The following AFAP1 variants were observed in gnomAD, a reference collection of about 807,000 sequenced individuals.
AFAP1 encodes actin filament-associated protein 1.
Under a neutral mutation model 93.9 loss-of-function variants are expected in AFAP1, and 75 were observed. The observed-to-expected ratio is 0.80, with a 90% confidence interval of 0.66 to 0.97. The LOEUF (loss-of-function observed/expected upper bound fraction) is 0.97. AFAP1 is among the 50% of genes least tolerant of loss of function. The pLI, the probability that AFAP1 is intolerant of heterozygous loss-of-function variation, is 0.00. For synonymous variants in AFAP1, 517 were observed against 430.7 expected, an observed-to-expected ratio of 1.20 and a Z score of -2.48; for missense variants, 1,201 against 1,050.8, an observed-to-expected ratio of 1.14 and a Z score of -1.98.
At chr4:7,900,584 C>G (rs1490589949) in intron 1 of AFAP1, among the ~76,000 whole-genome samples, 2 of 152,200 alleles carry the variant, frequency 1.3e-5, no homozygotes, top group African/African-American at 4.8e-5. Context: ...CCCAGGCCCA[C>G]GCCAGCGACT....
At chr4:7,812,375 C>T (rs774777893) in intron 8 of AFAP1, among the ~76,000 whole-genome samples, 7 of 151,988 alleles carry the variant, frequency 4.6e-5, no homozygotes, top group Non-Finnish European at 1.0e-4. Flanking sequence ...AGTGCTTGCT[C>T]GACTCTGACT....
At chr4:7,863,046 A>C (rs1715917898) in intron 3 of AFAP1, among the ~76,000 whole-genome samples, 1 of 151,890 alleles carries the variant, frequency 6.6e-6, no homozygotes, top group Admixed American at 6.6e-5. Flanking sequence ...CTTCTCAAAC[A>C]CTCTTTTAGC....
rs138710815 is a variant in AFAP1 at position 7,780,513 on chromosome 4, G to A, written c.1782+863C>T. 4.1e-3 allele frequency among the ~76,000 whole-genome samples: 631 copies of A among 152,294 alleles called. 2 individuals are homozygous for A. The highest frequency in any genetic ancestry group is 0.015 in the African/African-American group (607 of 41,550). ...TTAGGCAAAGCATGAACAATTCTTA[G>A]GTTAAATATGCATGATAAGCTGGGC... On this transcript the variant is annotated intron_variant, in intron 13 of 17. Transcript: ENST00000420658.
At position 7,921,603 on chromosome 4, in the gene AFAP1, A is replaced by G. The variant is rs548675382; in HGVS notation, c.-3+18053T>C. Among the ~76,000 whole-genome samples the G allele has an allele frequency of 2.0e-5, 3 of 152,306 alleles. No homozygotes were observed. The South Asian group carries it at 6.2e-4, about 32-fold the overall frequency. ...ACAGTGAGATAATGGTACAATCCTA[A>G]CGGAAGGGAATCCAGCAATACCCAT... On this transcript the variant is annotated intron_variant, in intron 1 of 17. Coordinates refer to ENST00000420658, the MANE Select transcript of AFAP1 (RefSeq NM_001134647.2).
intron 6 of AFAP1, among the ~76,000 whole-genome samples, chr4:7,820,008 G>A (rs1274157778): frequency 1.3e-5 from 2 of 152,204 alleles, no homozygotes; most frequent in Non-Finnish European, 2.9e-5. Context: ...AAACACTCTA[G>A]TTGCTGTGGG....
chr4:7,819,644 C>T (rs1720789126), intron 6 of AFAP1, among the ~76,000 whole-genome samples: 1 of 152,120 alleles, frequency 6.6e-6, no homozygotes, highest in Non-Finnish European at 1.5e-5. Flanking sequence ...GGTGAAAAAG[C>T]CCTGCGGTGG....
At chr4:7,880,908 G>A (rs1169648311) in intron 1 of AFAP1, among the ~76,000 whole-genome samples, 1 of 152,172 alleles carries the variant, frequency 6.6e-6, no homozygotes, top group Non-Finnish European at 1.5e-5. Context: ...CTCTGCAGAG[G>A]CTGCCACATC....
chr4:7,930,183 C>T (rs935015784), intron 1 of AFAP1, among the ~76,000 whole-genome samples: 1 of 152,204 alleles, frequency 6.6e-6, no homozygotes, highest in Non-Finnish European at 1.5e-5. Flanking sequence ...GAATAGAACA[C>T]GGGAACAGCC....
intron 4 of AFAP1, 50 bp downstream of exon 4, chr4:7,855,416 A>G (rs771623441): frequency 2.5e-5 from 35 of 1,395,754 alleles, no homozygotes; most frequent in Non-Finnish European, 3.2e-5. Flanking sequence ...GCTCTGCAAC[A>G]GTCCTGCCAA....
At chr4:7,916,999 T>C (rs577223028) in intron 1 of AFAP1, among the ~76,000 whole-genome samples, 2 of 152,044 alleles carry the variant, frequency 1.3e-5, no homozygotes, top group Admixed American at 6.5e-5. Context: ...GTTTTAAAAG[T>C]GTTCTCTCTC....
chr4:7,760,717 TAACAA>T lies in AFAP1; in HGVS notation c.*3043_*3047del, dbSNP rs1713656226. On this transcript the variant is annotated 3_prime_UTR_variant, in exon 18 of 18. Coordinates refer to ENST00000420658, the MANE Select transcript of AFAP1 (RefSeq NM_001134647.2). ...TGGAGGTTGAAGGCTGATGACACCT[TAACAA>T]AATAGAGCCAGGAGCAGAGCCCTGA... 6.6e-6 allele frequency: 1 copy of T among 152,262 alleles called. No individual in the cohort carries two copies. Among genetic ancestry groups the T allele is most frequent in the African/African-American group, 2.4e-5 (1 of 41,458 alleles). 9.4% of individuals were successfully genotyped at this position (152,262 alleles called of 1,614,324 possible).
chr4:7,878,669 C>CA (rs1717665685), intron 1 of AFAP1, among the ~76,000 whole-genome samples: 1 of 152,210 alleles, frequency 6.6e-6, no homozygotes, highest in Non-Finnish European at 1.5e-5. Flanking sequence ...ATGTACCAGG[C>CA]AATAGGCTAA....
intron 17 of AFAP1, among the ~76,000 whole-genome samples, chr4:7,766,774 C>T (rs1714656230): frequency 6.6e-6 from 1 of 152,112 alleles, no homozygotes; most frequent in African/African-American, 2.4e-5. Flanking sequence ...CACGGCCTGC[C>T]CAGATGAAGG....
In AFAP1 at chr4:7,781,439, G is replaced by A. The variant is rs1716760682; in HGVS notation, c.1719C>T (p.Ala573=). ...AGGTATTAGTGACAGACTGAGCGGAGGCAGGGTATTTGTAATGGTTAGAGG... is the reference window on the plus strand; with the variant it reads ...AGGTATTAGTGACAGACTGAGCGGAAGCAGGGTATTTGTAATGGTTAGAGG... ...KLSSNHYKYP[A]SAQSVTNTSS... Residue 573 remains alanine, a synonymous_variant, in exon 13 of 18, where the codon GCC becomes GCT. Coordinates refer to ENST00000420658, the MANE Select transcript of AFAP1 (RefSeq NM_001134647.2). 7.1e-6 allele frequency: 11 copies of A among 1,552,116 alleles called. No individual in the cohort carries two copies. Among genetic ancestry groups the A allele is most frequent in the Non-Finnish European group, 9.6e-6 (11 of 1,147,086 alleles).
chr4:7,814,080 A>C (rs1287862692), intron 8 of AFAP1, among the ~76,000 whole-genome samples: 1 of 152,242 alleles, frequency 6.6e-6, no homozygotes. Context: ...AAGGAAAATT[A>C]AAAGTCCAGC....
chr4:7,905,415 A>G (rs1023133397), intron 1 of AFAP1, among the ~76,000 whole-genome samples: 5 of 152,264 alleles, frequency 3.3e-5, no homozygotes, highest in African/African-American at 7.2e-5. Context: ...AAGGTCTAAT[A>G]AAACCACAAA....
chr4:7,796,712 C>T (rs1026589104), intron 10 of AFAP1, among the ~76,000 whole-genome samples: 1 of 149,078 alleles, frequency 6.7e-6, no homozygotes, highest in Non-Finnish European at 1.5e-5. Flanking sequence ...GATCACACCA[C>T]TGCACTCCAG....
At chr4:7,866,764 G>T (rs867819841) in intron 3 of AFAP1, among the ~76,000 whole-genome samples, 92 of 151,922 alleles carry the variant, frequency 6.1e-4, no homozygotes, top group African/African-American at 2.0e-3. Flanking sequence ...AGGCCAGGTG[G>T]GGTGGGTCAC....
Position 7,906,759 on chromosome 4 carries a change from G to A in AFAP1, c.-3+32897C>T, listed in dbSNP as rs142350762. ...TTCAAGGCCAGGCGCGGTGGCTCAC[G>A]CCTGTAATCCCAGCACTTTGGGAAG... On this transcript the variant is annotated intron_variant, in intron 1 of 17. Coordinates refer to ENST00000420658, the MANE Select transcript of AFAP1 (RefSeq NM_001134647.2). Among the ~76,000 whole-genome samples the A allele has an allele frequency of 6.4e-3, 968 of 152,336 alleles. 7 individuals are homozygous for A. The highest frequency in any genetic ancestry group is 0.021 in the African/African-American group (857 of 41,576).
Sources: allele counts gnomAD v4.1 joint callset (sites outside exome capture counted in the v4.1 genomes callset), GRCh38; gene constraint gnomAD v4.1.1; transcripts MANE v1.5; gene names NCBI Gene and HGNC (gene_info 2026-07-23, HGNC 2026-07-21).